Variants in ZC3HAV1 observed in about 807,000 individuals in gnomAD.
ZC3HAV1 encodes zinc finger CCCH-type containing, antiviral 1.
In ZC3HAV1, 41 loss-of-function variants were observed where a neutral mutation model predicts 86.6. The ratio of observed to expected loss-of-function variants is 0.47; its 90% CI spans 0.37 to 0.61. The LOEUF (loss-of-function observed/expected upper bound fraction) is 0.61. Among genes scored for constraint, ZC3HAV1 ranks in the 20% least tolerant of loss-of-function variants. The probability of loss-of-function intolerance (pLI) is 0.00; values close to 1 mark genes in which losing one functional copy is unlikely to be tolerated. For missense variants in ZC3HAV1, 964 were observed against 1,141.1 expected, an observed-to-expected ratio of 0.84 and a Z score of 2.24; for synonymous variants, 421 against 432.1, an observed-to-expected ratio of 0.97 and a Z score of 0.32.
intron 7 of ZC3HAV1, among the ~76,000 whole-genome samples, chr7:139,067,639 T>C (rs772361399): frequency 2.0e-5 from 3 of 152,166 alleles, no homozygotes; most frequent in Non-Finnish European, 2.9e-5. Flanking sequence ...ACGGACACCC[T>C]AAAAACCCTG....
intron 1 of ZC3HAV1, among the ~76,000 whole-genome samples, chr7:139,095,765 G>A (rs1336493475): frequency 1.3e-5 from 2 of 152,196 alleles, no homozygotes; most frequent in East Asian, 1.9e-4. Context: ...AGTCCCCTAA[G>A]TTCATGGTTC....
At chr7:139,102,731 ACACAC>A (rs1817811232) in intron 1 of ZC3HAV1, among the ~76,000 whole-genome samples, 1 of 44,048 alleles carries the variant, frequency 2.3e-5, no homozygotes, top group African/African-American at 2.4e-4. Context: ...GTCTCTATAC[ACACAC>A]ACACACACAC....
chr7:139,063,581 G>T (rs1235354950), intron 8 of ZC3HAV1, among the ~76,000 whole-genome samples: 1 of 151,734 alleles, frequency 6.6e-6, no homozygotes, highest in East Asian at 1.9e-4. Context: ...TAAATTAGCT[G>T]GGCATGGTGG....
chr7:139,079,677 T>C lies in ZC3HAV1; in HGVS notation c.1264A>G (p.Ile422Val). 8 of 1,614,166 alleles carry C rather than the reference T, an allele frequency of 5.0e-6. No homozygotes were observed. Among genetic ancestry groups the C allele is most frequent in the Non-Finnish European group, 4.2e-6 (5 of 1,180,036 alleles). The change falls in exon 4 of 13, where the codon ATC (isoleucine) becomes GTC (valine). Residue 422 changes from isoleucine to valine, a missense_variant. Transcript: ENST00000242351. The part of the protein sequence containing the change: ...IINGKSGTQD[I>V]QPGPLFNNNA... ...TTATTAAAAAGAGGGCCAGGCTGGA[T>C]GTCCTGAGTTCCACTTTTGCCATTG...
At chr7:139,067,308 C>T (rs998946575) in intron 7 of ZC3HAV1, among the ~76,000 whole-genome samples, 1 of 152,042 alleles carries the variant, frequency 6.6e-6, no homozygotes, top group Non-Finnish European at 1.5e-5. Flanking sequence ...TGTCACCACA[C>T]CCCAGCTAAT....
intron 1 of ZC3HAV1, among the ~76,000 whole-genome samples, chr7:139,098,589 C>T (rs949418967): frequency 6.6e-6 from 1 of 152,178 alleles, no homozygotes; most frequent in Non-Finnish European, 1.5e-5. Context: ...GTGGCTTGAG[C>T]TCGGGAGTTT....
chr7:139,062,970 A>C (rs1000419955), intron 8 of ZC3HAV1, among the ~76,000 whole-genome samples: 2 of 141,838 alleles, frequency 1.4e-5, no homozygotes, highest in East Asian at 4.6e-4. Flanking sequence ...CAGAGGTTGC[A>C]GTGAGCCGAG....
rs1261500099 is a variant in ZC3HAV1 at position 139,044,253 on chromosome 7, T to C, written c.*3341A>G. 6.6e-6 allele frequency: 1 copy of C among 152,186 alleles called. No individual in the cohort carries two copies. Among genetic ancestry groups the C allele is most frequent in the Non-Finnish European group, 1.5e-5 (1 of 68,026 alleles). 9.4% of individuals were successfully genotyped at this position (152,186 alleles called of 1,614,324 possible). On this transcript the variant is annotated 3_prime_UTR_variant, in exon 13 of 13. Coordinates refer to ENST00000242351, the MANE Select transcript of ZC3HAV1 (RefSeq NM_020119.4). ...GTCTGTTTTGTCTTTACCCTAACAC[T>C]GGTTTTCATTCTAGTGTCCCCCACC...
At chr7:139,090,652 T>G (rs1817404111) in intron 1 of ZC3HAV1, among the ~76,000 whole-genome samples, 2 of 152,376 alleles carry the variant, frequency 1.3e-5, no homozygotes, top group African/African-American at 4.8e-5. Flanking sequence ...GCACTATTAT[T>G]TTTTGTTTGT....
At chr7:139,079,420 T>C in intron 4 of ZC3HAV1, 50 bp downstream of exon 4, 1 of 1,613,774 alleles carries the variant, frequency 6.2e-7, no homozygotes, top group Non-Finnish European at 8.5e-7. Flanking sequence ...AGCCATTTGG[T>C]ATATCATGAA....
At chr7:139,092,346 C>T (rs1817461098) in intron 1 of ZC3HAV1, among the ~76,000 whole-genome samples, 1 of 152,126 alleles carries the variant, frequency 6.6e-6, no homozygotes, top group Admixed American at 6.5e-5. Flanking sequence ...AGAGCCAATT[C>T]AGGTGGAAAC....
intron 1 of ZC3HAV1, among the ~76,000 whole-genome samples, chr7:139,100,170 A>C (rs1022296085): frequency 1.3e-5 from 2 of 152,062 alleles, no homozygotes; most frequent in African/African-American, 4.8e-5. Context: ...ATGCCAAGTA[A>C]GACAAACTTA....
At chr7:139,099,581 G>C (rs1249604668) in intron 1 of ZC3HAV1, among the ~76,000 whole-genome samples, 3 of 152,172 alleles carry the variant, frequency 2.0e-5, no homozygotes, top group Non-Finnish European at 4.4e-5. Context: ...GTTTCTCTTT[G>C]GGGTGATGAA....
rs375447428 is a variant in ZC3HAV1, at chr7:139,057,192, G to A, written c.2097-1897C>T. Among the ~76,000 whole-genome samples, 10 of 152,010 alleles carry A rather than the reference G, an allele frequency of 6.6e-5. No individual in the cohort carries two copies. The East Asian group carries it at 7.8e-4, about 12-fold the overall frequency. On this transcript the variant is annotated intron_variant, in intron 9 of 12. Coordinates refer to ENST00000242351, the MANE Select transcript of ZC3HAV1 (RefSeq NM_020119.4). Reference sequence around the variant, plus strand: ...AGTGGGATCCCCCTCCCCATCTCTAGAAACATTTTTTTTAAATTATCCAGG... The same window carrying A: ...AGTGGGATCCCCCTCCCCATCTCTAAAAACATTTTTTTTAAATTATCCAGG...
chr7:139,096,828 G>A (rs1179045955), intron 1 of ZC3HAV1, among the ~76,000 whole-genome samples: 1 of 152,158 alleles, frequency 6.6e-6, no homozygotes, highest in African/African-American at 2.4e-5. Flanking sequence ...GATTCTTTAG[G>A]GTGGTATTTA....
intron 1 of ZC3HAV1, among the ~76,000 whole-genome samples, chr7:139,102,495 G>A (rs1481877505): frequency 6.6e-6 from 1 of 152,100 alleles, no homozygotes; most frequent in Admixed American, 6.6e-5. Flanking sequence ...AAACAATGAA[G>A]ACATTTCAGG....
chr7:139,095,694 G>A (rs1460269066), intron 1 of ZC3HAV1, among the ~76,000 whole-genome samples: 4 of 152,130 alleles, frequency 2.6e-5, no homozygotes, highest in Admixed American at 1.3e-4. Context: ...AAACAGCACC[G>A]GTGCCACCAA....
rs199760401 is a variant in ZC3HAV1, at chr7:139,083,245, T to TG, written c.697+534dup. Reference sequence around the variant, plus strand: ...AAAATGATATACACTTTTTTAAACCTGGGGGGGGGGGCAATAGTGCTAAGC... The same window carrying TG: ...AAAATGATATACACTTTTTTAAACCTGGGGGGGGGGGGCAATAGTGCTAAGC... On this transcript the variant is annotated intron_variant, in intron 3 of 12. Coordinates refer to ENST00000242351, the MANE Select transcript of ZC3HAV1 (RefSeq NM_020119.4). 9.3e-3 allele frequency among the ~76,000 whole-genome samples: 1,174 copies of TG among 125,854 alleles called. 6 individuals carry two copies. Among genetic ancestry groups the TG allele is most frequent in the East Asian group, 0.022 (96 of 4,304 alleles). The allele number at this position is 125,854 out of a possible 152,430, so 82.6% of individuals were successfully genotyped here. A position where few individuals can be genotyped will look rare whatever the true frequency, so the allele number is the denominator to read the frequency against.
intron 9 of ZC3HAV1, 151 bp downstream of exon 9, chr7:139,060,885 C>T (rs1197588950): frequency 6.4e-7 from 1 of 1,562,234 alleles, no homozygotes. Flanking sequence ...TAACAAGCAT[C>T]TTACTCATCG....
Sources: gnomAD v4.1 joint callset for allele counts (sites outside exome capture counted in the v4.1 genomes callset) on GRCh38, gnomAD v4.1.1 for gene constraint, MANE v1.5 for transcripts, NCBI Gene and HGNC (gene_info 2026-07-23, HGNC 2026-07-21) for gene names.